TENM1: variants seen among roughly 807,000 people sequenced by gnomAD.
TENM1 encodes the protein teneurin transmembrane protein 1, also known as teneurin-1.
In TENM1, 35 loss-of-function variants were observed where a neutral mutation model predicts 174.8. That is an observed-to-expected ratio of 0.20 (90% CI 0.15 to 0.27). The LOEUF (loss-of-function observed/expected upper bound fraction) is 0.27, where lower values mean the gene tolerates loss of function less well. Ranked by LOEUF, TENM1 falls within the 10% of genes least tolerant of loss-of-function variation. TENM1 has a pLI of 1.00. For missense variants in TENM1, 1,633 were observed against 2,130.1 expected (o/e 0.77, Z 4.59); for synonymous variants, 781 against 798.7 (o/e 0.98, Z 0.37).
At chrX:124,851,923 G>C (rs370698796) in intron 3 of TENM1, among the ~76,000 whole-genome samples, 1 of 111,049 alleles carries the variant, frequency 9.0e-6, no homozygotes, top group Non-Finnish European at 1.9e-5. Context: ...AGAGATAAAC[G>C]ATACAGAATG....
chrX:125,185,879 C>T, the TENM1 span, among the ~76,000 whole-genome samples: 12 of 111,534 alleles, frequency 1.1e-4, no homozygotes, highest in South Asian at 3.8e-4. Flanking sequence ...TAAAGGGGTC[C>T]GCTTTTTAAA....
chrX:124,815,984 T>C (rs1449787168), intron 3 of TENM1, among the ~76,000 whole-genome samples: 1 of 111,939 alleles, frequency 8.9e-6, no homozygotes, highest in Non-Finnish European at 1.9e-5. Flanking sequence ...TAAAAGAATT[T>C]TAAAATATTG....
At chrX:125,129,669 C>T in the TENM1 span, among the ~76,000 whole-genome samples, 1 of 109,908 alleles carries the variant, frequency 9.1e-6, no homozygotes, top group Non-Finnish European at 1.9e-5. Context: ...TAATTTTTAG[C>T]TCCTAGAAAT....
exon 30 of TENM1, chrX:124,384,433 A>T (rs756545443): frequency 8.3e-7 from 1 of 1,211,110 alleles, no homozygotes; most frequent in South Asian, 1.8e-5. Context: ...AAACAGTCTG[A>T]AGTTGCCCAT....
At chrX:125,078,908 A>G in the TENM1 span, among the ~76,000 whole-genome samples, 40,596 of 110,430 alleles carry the variant, frequency 0.37, 7,749 homozygotes, top group African/African-American at 0.75. Context: ...TGCTTTATGC[A>G]TATTAACTCA....
chrX:124,744,661 A>G (rs151035779), intron 3 of TENM1, among the ~76,000 whole-genome samples: 121 of 112,445 alleles, frequency 1.1e-3, no homozygotes, highest in African/African-American at 3.8e-3. Flanking sequence ...TTTATACTCA[A>G]ACTAAAGTCT....
At chrX:124,586,214 G>T (rs2049507077) in intron 11 of TENM1, among the ~76,000 whole-genome samples, 1 of 111,065 alleles carries the variant, frequency 9.0e-6, no homozygotes, top group Non-Finnish European at 1.9e-5. Context: ...TGATACCAAA[G>T]CCGGGCAGAC....
At chrX:124,679,215 A>G (rs1026977700) in intron 5 of TENM1, among the ~76,000 whole-genome samples, 4 of 112,514 alleles carry the variant, frequency 3.6e-5, no homozygotes, top group African/African-American at 1.3e-4. Flanking sequence ...ACAAAAGCAT[A>G]TAATATTTTC....
chrX:124,556,058 G>T (rs1000107324), intron 14 of TENM1, among the ~76,000 whole-genome samples: 5 of 112,023 alleles, frequency 4.5e-5, no homozygotes, highest in African/African-American at 1.6e-4. Context: ...TTTTGTTGAA[G>T]AATTGTAATA....
chrX:124,547,981 C>T (rs1194027870), intron 14 of TENM1, among the ~76,000 whole-genome samples: 2 of 111,552 alleles, frequency 1.8e-5, no homozygotes, highest in Admixed American at 1.9e-4. Flanking sequence ...GGACCACAGG[C>T]GCCCGCCAAC....
rs147773079 is a variant in TENM1, at chrX:124,849,737, C to T, written c.535+44559G>A. On this transcript the variant is annotated intron_variant, in intron 3 of 31. Coordinates refer to ENST00000422452, the Ensembl canonical transcript of TENM1. ...ATAGCAACTGTGAGATAATAAATTG[C>T]TGTTTTAAGTCCTTAAGTTTGTGAT... 6.9e-3 allele frequency among the ~76,000 whole-genome samples: 774 copies of T among 111,494 alleles called. 5 individuals carry two copies. Among genetic ancestry groups the T allele is most frequent in the African/African-American group, 0.024 (725 of 30,712 alleles).
chrX:124,871,070 T>C (rs993766900), intron 3 of TENM1, among the ~76,000 whole-genome samples: 18 of 111,278 alleles, frequency 1.6e-4, no homozygotes, highest in African/African-American at 5.6e-4. Context: ...ATGGTCCCTC[T>C]ACTGTGCAAG....
At position 124,894,370 on chromosome X, in the gene TENM1, T is replaced by G. The variant is rs1217121986; in HGVS notation, c.479-18A>C. 8.6e-7 allele frequency: 1 copy of G among 1,163,207 alleles called. No individual in the cohort carries two copies. The highest frequency in any genetic ancestry group is 1.8e-5 in the African/African-American group (1 of 56,233). On this transcript the variant is annotated intron_variant, in intron 2 of 31. Coordinates refer to ENST00000422452, the Ensembl canonical transcript of TENM1. ...TTTGAAACCTGTAACAGTAAACATT[T>G]CACTAGTTAAGCCTTGTCCAAGTCA...
intron 4 of TENM1, among the ~76,000 whole-genome samples, chrX:124,722,839 C>CAAAAAAAA (rs761441453): frequency 2.8e-4 from 7 of 24,751 alleles, no homozygotes; most frequent in African/African-American, 9.5e-4. Context: ...GACTCCGTCT[C>CAAAAAAAA]AAAAAAAAAA....
At chrX:124,772,872 C>T (rs911545349) in intron 3 of TENM1, among the ~76,000 whole-genome samples, 2 of 111,679 alleles carry the variant, frequency 1.8e-5, no homozygotes, top group African/African-American at 6.5e-5. Context: ...TAGCAGCCAA[C>T]TTCTTTTCAT....
chrX:124,800,753 C>T (rs1158934529), intron 3 of TENM1, among the ~76,000 whole-genome samples: 1 of 111,632 alleles, frequency 9.0e-6, no homozygotes, highest in African/African-American at 3.3e-5. Flanking sequence ...ATAAATTTCC[C>T]TCTTAACACT....
the TENM1 span, among the ~76,000 whole-genome samples, chrX:125,133,592 C>A: frequency 9.0e-6 from 1 of 111,041 alleles, no homozygotes; most frequent in South Asian, 3.8e-4. Flanking sequence ...TGTCTCCTCC[C>A]CTCTCACTTA....
chrX:124,564,713 A>G (rs2048902248), intron 12 of TENM1, among the ~76,000 whole-genome samples: 1 of 112,083 alleles, frequency 8.9e-6, no homozygotes, highest in African/African-American at 3.2e-5. Context: ...TTTATTTTTA[A>G]TATCTTTTAT....
chrX:124,903,980 C>A (rs774428886), intron 1 of TENM1, among the ~76,000 whole-genome samples: 83 of 111,267 alleles, frequency 7.5e-4, no homozygotes, highest in Admixed American at 2.7e-3. Context: ...ATCCTTGTTG[C>A]CCATTGTGGT....
Sources: allele counts gnomAD v4.1 joint callset (sites outside exome capture counted in the v4.1 genomes callset), GRCh38; gene constraint gnomAD v4.1.1; transcripts MANE v1.5; gene names NCBI Gene and HGNC (gene_info 2026-07-23, HGNC 2026-07-21).